The following CEP112 variants were observed in gnomAD, a reference collection of about 807,000 sequenced individuals.
CEP112 encodes the protein centrosomal protein of 112 kDa.
Under a neutral mutation model 153.0 loss-of-function variants are expected in CEP112, and 127 were observed. The observed-to-expected ratio is 0.83, with a 90% confidence interval of 0.72 to 0.96. The LOEUF (loss-of-function observed/expected upper bound fraction) is 0.96. CEP112 is among the 40% of genes least tolerant of loss of function. The probability of loss-of-function intolerance (pLI) is 0.00; values close to 1 mark genes in which losing one functional copy is unlikely to be tolerated. For synonymous variants in CEP112, 358 were observed against 374.4 expected, an observed-to-expected ratio of 0.96 and a Z score of 0.51; for missense variants, 1,089 against 1,101.2, an observed-to-expected ratio of 0.99 and a Z score of 0.16.
chr17:65,655,542 A>G (rs1598213531), intron 24 of CEP112: 1 of 543,092 alleles, frequency 1.8e-6, no homozygotes, highest in East Asian at 3.0e-5. Flanking sequence ...AAAGTAATGG[A>G]TTTTCATTGT....
Position 66,021,025 on chromosome 17 carries a change from T to C in CEP112, c.1656+6476A>G, listed in dbSNP as rs373488780. 7.2e-5 allele frequency among the ~76,000 whole-genome samples: 11 copies of C among 152,190 alleles called. No individual in the cohort carries two copies. In the East Asian group the frequency reaches 1.9e-3, roughly 27 times the overall value. ...CAATATAGGAGAGGGGAAGAGAATG[T>C]CCCTCTGCAATCTACCTGTCTACTG... On this transcript the variant is annotated intron_variant, in intron 16 of 26. Coordinates refer to ENST00000535342, the MANE Select transcript of CEP112 (RefSeq NM_001199165.4).
chr17:65,919,395 G>A (rs1025328905), intron 19 of CEP112, among the ~76,000 whole-genome samples: 10 of 152,148 alleles, frequency 6.6e-5, no homozygotes, highest in African/African-American at 1.7e-4. Flanking sequence ...GATGCTCGGC[G>A]TCTAAATCCC....
chr17:66,012,256 T>C (rs1007862769), intron 16 of CEP112, among the ~76,000 whole-genome samples: 1 of 152,214 alleles, frequency 6.6e-6, no homozygotes, highest in Non-Finnish European at 1.5e-5. Flanking sequence ...ATGTGCTTAT[T>C]TGATCCTGTC....
intron 12 of CEP112, among the ~76,000 whole-genome samples, chr17:66,040,811 C>A (rs999814273): frequency 6.6e-6 from 1 of 152,036 alleles, no homozygotes; most frequent in African/African-American, 2.4e-5. Context: ...CTTAATGATA[C>A]CTTTGGTGAT....
intron 4 of CEP112, among the ~76,000 whole-genome samples, chr17:66,135,414 T>C (rs1292991660): frequency 6.6e-6 from 1 of 152,068 alleles, no homozygotes; most frequent in Admixed American, 6.5e-5. Flanking sequence ...AAACAGAAAG[T>C]GGGAGAAAAG....
intron 4 of CEP112, among the ~76,000 whole-genome samples, chr17:66,149,236 C>T (rs1040099178): frequency 1.4e-4 from 21 of 152,150 alleles, no homozygotes; most frequent in Admixed American, 2.6e-4. Context: ...ATTCAGTTTA[C>T]AAGTATTTTC....
chr17:65,794,075 C>T (rs1225077747), intron 21 of CEP112, among the ~76,000 whole-genome samples: 1 of 152,154 alleles, frequency 6.6e-6, no homozygotes, highest in Admixed American at 6.5e-5. Flanking sequence ...AGGTAGTCTT[C>T]CAGGCACTGG....
At chr17:66,119,482 G>A (rs2069468121) in intron 6 of CEP112, among the ~76,000 whole-genome samples, 1 of 152,110 alleles carries the variant, frequency 6.6e-6, no homozygotes, top group African/African-American at 2.4e-5. Flanking sequence ...TTAAAAAACA[G>A]CCTTTTTAGT....
chr17:65,993,862 T>C (rs1266394084), intron 17 of CEP112, among the ~76,000 whole-genome samples: 2 of 152,144 alleles, frequency 1.3e-5, no homozygotes, highest in African/African-American at 4.8e-5. Flanking sequence ...GGGAGGCTTC[T>C]GCAATGCTGT....
At chr17:66,097,828 C>T (rs12449419) in intron 6 of CEP112, among the ~76,000 whole-genome samples, 152,095 of 152,342 alleles carry the variant, frequency 1, 75,925 homozygotes, top group Middle Eastern at 1. Context: ...TTAAAAATCT[C>T]TACCGTGAAA....
At chr17:65,913,203 T>A (rs1177198607) in intron 19 of CEP112, among the ~76,000 whole-genome samples, 1 of 152,176 alleles carries the variant, frequency 6.6e-6, no homozygotes, top group East Asian at 1.9e-4. Context: ...CTGCAGAAAT[T>A]TTACGCTAAT....
chr17:66,029,376 TG>T (rs1229320308), intron 13 of CEP112, 124 bp from the exon 14 acceptor site: 3 of 831,464 alleles, frequency 3.6e-6, no homozygotes, highest in East Asian at 2.8e-5. Context: ...TCCACAATTT[TG>T]TCAACTGCTT....
chr17:66,166,989 G>C (rs149391770), intron 4 of CEP112, among the ~76,000 whole-genome samples: 3 of 151,510 alleles, frequency 2.0e-5, no homozygotes, highest in African/African-American at 4.8e-5. Flanking sequence ...GCCAGCCACT[G>C]TGTGTTCCTT....
chr17:65,856,785 G>A (rs1046357242), intron 20 of CEP112, among the ~76,000 whole-genome samples: 2 of 152,090 alleles, frequency 1.3e-5, no homozygotes, highest in Non-Finnish European at 2.9e-5. Context: ...ATCCCAAATC[G>A]AGTTTCAATC....
At chr17:66,104,743 TG>T (rs1262829124) in intron 6 of CEP112, among the ~76,000 whole-genome samples, 1 of 152,058 alleles carries the variant, frequency 6.6e-6, no homozygotes, top group African/African-American at 2.4e-5. Flanking sequence ...TCAGTGGAAA[TG>T]TAACAGGCCA....
intron 17 of CEP112, among the ~76,000 whole-genome samples, chr17:65,973,832 C>T (rs183027008): frequency 3.9e-5 from 6 of 152,076 alleles, no homozygotes; most frequent in Non-Finnish European, 8.8e-5. Flanking sequence ...TTGGTAGTTT[C>T]ATGAGTATGT....
intron 19 of CEP112, among the ~76,000 whole-genome samples, chr17:65,915,105 A>G (rs1347383855): frequency 6.6e-6 from 1 of 152,022 alleles, no homozygotes; most frequent in Non-Finnish European, 1.5e-5. Context: ...GTTCCTTCTC[A>G]GTCTCTTTTG....
intron 18 of CEP112, among the ~76,000 whole-genome samples, chr17:65,950,940 A>T (rs1568280645): frequency 6.6e-6 from 1 of 152,138 alleles, no homozygotes; most frequent in Non-Finnish European, 1.5e-5. Flanking sequence ...AATTTTTAAA[A>T]TCATAAATGG....
Position 65,635,733 on chromosome 17 carries a change from A to C in CEP112, c.*238T>G, listed in dbSNP as rs1255972174. The C allele has an allele frequency of 3.2e-5, 18 of 565,460 alleles. No individual in the cohort carries two copies. Among genetic ancestry groups the C allele is most frequent in the South Asian group, 2.8e-4 (11 of 39,486 alleles). 35.0% of individuals were successfully genotyped at this position (565,460 alleles called of 1,614,324 possible). A position where few individuals can be genotyped will look rare whatever the true frequency, so the allele number is the denominator to read the frequency against. ...TATAAGCAGTTCTCAGCACATACTC[A>C]AATGCACACAAACATGAAAATCGGA... On this transcript the variant is annotated 3_prime_UTR_variant, in exon 27 of 27. Transcript: ENST00000535342.
Sources: allele counts gnomAD v4.1 joint callset (sites outside exome capture counted in the v4.1 genomes callset), GRCh38; gene constraint gnomAD v4.1.1; transcripts MANE v1.5; gene names NCBI Gene and HGNC (gene_info 2026-07-23, HGNC 2026-07-21).